The following ESR2 variants were observed in gnomAD, a reference collection of about 807,000 sequenced individuals.
ESR2 encodes estrogen receptor 2, also known as estrogen receptor beta.
Under a neutral mutation model 49.6 loss-of-function variants are expected in ESR2, and 36 were observed. That is an observed-to-expected ratio of 0.73 (90% CI 0.56 to 0.96). The LOEUF (loss-of-function observed/expected upper bound fraction) is 0.96. Ranked by LOEUF, ESR2 falls within the 40% of genes least tolerant of loss-of-function variation. The pLI is 0.00. For missense variants in ESR2, 714 were observed against 693.0 expected, an observed-to-expected ratio of 1.03 and a Z score of -0.34; for synonymous variants, 320 against 266.1, an observed-to-expected ratio of 1.20 and a Z score of -1.97.
chr14:64,253,022 A>G (rs1039514616), intron 6 of ESR2, among the ~76,000 whole-genome samples: 3 of 151,442 alleles, frequency 2.0e-5, no homozygotes. Flanking sequence ...TGCCTGGCTA[A>G]TTTTTGCATT....
rs776801399 is a variant in ESR2 at position 64,234,975 on chromosome 14, A to C, written c.1401T>G (p.His467Gln). 1 of 1,614,074 alleles carries C rather than the reference A, an allele frequency of 6.2e-7. No individual in the cohort carries two copies. The highest frequency in any genetic ancestry group is 8.5e-7 in the Non-Finnish European group (1 of 1,179,924). ...NLLMLLSHVR[H>Q]ASNKGMEHLL... ...CAGCTCCTTAGGGCGCGTACCTCGC[A>C]TGCCTGACGTGGGACAGGAGCATCA... is the stretch of plus-strand genomic sequence containing the variant. The change falls in exon 8 of 9, where the codon CAT becomes CAG. Residue 467 changes from histidine (H) to glutamine (Q), a missense_variant. His to Gln is a conservative substitution (Grantham distance 24). Coordinates refer to ENST00000341099, the MANE Select transcript of ESR2 (RefSeq NM_001437.3).
At chr14:64,281,311 G>A (rs898200453) in intron 2 of ESR2, among the ~76,000 whole-genome samples, 1 of 152,148 alleles carries the variant, frequency 6.6e-6, no homozygotes, top group Non-Finnish European at 1.5e-5. Flanking sequence ...GGTTCTTTTG[G>A]AAAGGGAATG....
chr14:64,291,665 A>T (rs1246227372), intron 1 of ESR2, among the ~76,000 whole-genome samples: 1 of 152,214 alleles, frequency 6.6e-6, no homozygotes, highest in Non-Finnish European at 1.5e-5. Flanking sequence ...CCCTGCAGGA[A>T]AATCTAGACT....
intron 5 of ESR2, chr14:64,260,121 G>A (rs539235932): frequency 8.5e-5 from 46 of 539,544 alleles, no homozygotes; most frequent in Admixed American, 7.0e-4. Context: ...GTTTGTGCAA[G>A]GTGGTATGGG....
intron 3 of ESR2, among the ~76,000 whole-genome samples, chr14:64,273,315 C>T (rs2076486756): frequency 6.6e-6 from 1 of 152,096 alleles, no homozygotes; most frequent in Non-Finnish European, 1.5e-5. Context: ...TTTCTCTTTT[C>T]TGATTGCTCT....
At chr14:64,332,799 CA>C (rs1193703932) in intron 1 of ESR2, among the ~76,000 whole-genome samples, 2,129 of 92,424 alleles carry the variant, frequency 0.023, 47 homozygotes, top group East Asian at 0.13. Flanking sequence ...GACTCCATCT[CA>C]AAAAAAAAAA....
At chr14:64,318,826 T>C (rs1202946652) in intron 1 of ESR2, among the ~76,000 whole-genome samples, 2 of 152,064 alleles carry the variant, frequency 1.3e-5, no homozygotes, top group Non-Finnish European at 2.9e-5. Context: ...GCAGATTGCT[T>C]AAGCCCAAGA....
intron 4 of ESR2, among the ~76,000 whole-genome samples, chr14:64,263,599 G>A (rs929825357): frequency 1.1e-4 from 16 of 151,936 alleles, no homozygotes; most frequent in Non-Finnish European, 1.8e-4. Flanking sequence ...ACAGTGAACC[G>A]AGACCGTGCC....
chr14:64,320,095 CA>C (rs558093344), intron 1 of ESR2, among the ~76,000 whole-genome samples: 119 of 144,590 alleles, frequency 8.2e-4, no homozygotes, highest in East Asian at 1.6e-3. Context: ...ATATTATTTG[CA>C]AAAAAAAAAT....
chr14:64,292,262 C>T (rs377027122), intron 1 of ESR2, among the ~76,000 whole-genome samples: 12 of 152,208 alleles, frequency 7.9e-5, no homozygotes, highest in African/African-American at 2.9e-4. Context: ...TAAGTAAAAA[C>T]GTACTAAAGA....
At chr14:64,290,430 T>G (rs2076853208) in intron 1 of ESR2, among the ~76,000 whole-genome samples, 1 of 150,990 alleles carries the variant, frequency 6.6e-6, no homozygotes, top group Non-Finnish European at 1.5e-5. Flanking sequence ...AGAGATAGAG[T>G]TTTGCTTTGT....
intron 1 of ESR2, among the ~76,000 whole-genome samples, chr14:64,324,587 C>T (rs1460066661): frequency 6.6e-6 from 1 of 151,926 alleles, no homozygotes; most frequent in Non-Finnish European, 1.5e-5. Context: ...TTTGTTGTTC[C>T]CTATACTTTT....
In ESR2 at chr14:64,260,551, G is replaced by A. The variant is rs752264246; in HGVS notation, c.850C>T (p.Arg284Cys). ...EAEPPHVLIS[R>C]PSAPFTEASM... The stretch of plus-strand genomic sequence containing the variant: ...GCCTCGGTGAAGGGCGCACTGGGGC[G>A]GCTGATCAGCACATGGGGCGGCTCA... The change falls in exon 5 of 9, where the codon CGC (arginine) becomes TGC (cysteine). Residue 284 changes from arginine to cysteine, a missense_variant. Physicochemically the swap from Arg to Cys is radical, Grantham distance 180. Transcript: ENST00000341099. 2 of 1,582,470 alleles carry A rather than the reference G, an allele frequency of 1.3e-6. No homozygotes were observed. Among genetic ancestry groups the A allele is most frequent in the South Asian group, 1.1e-5 (1 of 87,014 alleles).
downstream of ESR2, chr14:64,226,722 T>TGTCA (rs2140565030): frequency 7.5e-6 from 1 of 132,580 alleles, no homozygotes; most frequent in East Asian, 2.1e-4. Flanking sequence ...AGTCTCACTC[T>TGTCA]GTCAGTCACC....
At chr14:64,235,264 A>G (rs1429835365) in intron 7 of ESR2, 114 bp from the exon 8 acceptor site, 5 of 1,080,416 alleles carry the variant, frequency 4.6e-6, no homozygotes, top group East Asian at 2.5e-5. Flanking sequence ...TGACAGCTGC[A>G]TGTGTGGCAG....
intron 1 of ESR2, among the ~76,000 whole-genome samples, chr14:64,320,271 A>G (rs1320013660): frequency 6.6e-6 from 1 of 152,160 alleles, no homozygotes; most frequent in Non-Finnish European, 1.5e-5. Context: ...CTACGGAGGT[A>G]GTAAAAAGAT....
chr14:64,322,415 C>T (rs974784131), intron 1 of ESR2, among the ~76,000 whole-genome samples: 1 of 151,590 alleles, frequency 6.6e-6, no homozygotes, highest in African/African-American at 2.4e-5. Flanking sequence ...ATGACTCACA[C>T]CTGTAATTTC....
intron 4 of ESR2, among the ~76,000 whole-genome samples, chr14:64,268,430 A>G (rs1385470535): frequency 6.6e-6 from 1 of 152,146 alleles, no homozygotes. Context: ...CCACGACTTC[A>G]TCCTTAGAAC....
At chr14:64,235,231 C>G in intron 7 of ESR2, 81 bp from the exon 8 acceptor site, 1 of 1,465,118 alleles carries the variant, frequency 6.8e-7, no homozygotes, top group African/African-American at 1.4e-5. Flanking sequence ...CGTGCGCCTG[C>G]TCCGAGGTGA....
Sources: allele counts gnomAD v4.1 joint callset (sites outside exome capture counted in the v4.1 genomes callset), GRCh38; gene constraint gnomAD v4.1.1; transcripts MANE v1.5; gene names NCBI Gene and HGNC (gene_info 2026-07-23, HGNC 2026-07-21).